The following DNAH14 variants were observed in gnomAD, a reference collection of about 807,000 sequenced individuals.
The protein encoded by DNAH14 is dynein axonemal heavy chain 14.
Under a neutral mutation model 520.9 loss-of-function variants are expected in DNAH14, and 478 were observed. That is an observed-to-expected ratio of 0.92 (90% CI 0.85 to 0.99). DNAH14 has a LOEUF of 0.99. DNAH14 is among the 50% of genes least tolerant of loss of function. The probability of loss-of-function intolerance (pLI) is 0.00; values close to 1 mark genes in which losing one functional copy is unlikely to be tolerated. For synonymous variants in DNAH14, 1,581 were observed against 1,757.2 expected (o/e 0.90, Z 2.51); for missense variants, 4,831 against 5,234.5 (o/e 0.92, Z 2.38).
chr1:225,048,375 A>C (rs191709711), intron 15 of DNAH14, among the ~76,000 whole-genome samples: 23 of 152,176 alleles, frequency 1.5e-4, no homozygotes, highest in African/African-American at 5.5e-4. Context: ...TGTGGCACGC[A>C]CCTGTAATCC....
chr1:224,945,188 A>G (rs2489302), intron 1 of DNAH14, among the ~76,000 whole-genome samples: 22,928 of 151,792 alleles, frequency 0.15, 3,187 homozygotes, highest in African/African-American at 0.36. Flanking sequence ...ATCTTTGTTC[A>G]TTTCTTTTTA....
At chr1:225,269,219 G>C (rs1365402508) in intron 49 of DNAH14, among the ~76,000 whole-genome samples, 1 of 152,174 alleles carries the variant, frequency 6.6e-6, no homozygotes, top group African/African-American at 2.4e-5. Context: ...ACAAAAACAA[G>C]AAATGGGGTA....
chr1:225,381,683 T>C, intron 81 of DNAH14, 104 bp downstream of exon 81: 1 of 933,352 alleles, frequency 1.1e-6, no homozygotes, highest in Non-Finnish European at 1.6e-6. Context: ...ATGAAATATG[T>C]AACTCTTAAA....
chr1:225,106,812 G>A lies in DNAH14; in HGVS notation c.3867+5928G>A, dbSNP rs137883383. ...TTTTTTCAAGGTTTTTAACTTCTTT[G>A]CCATTGGTTCTACCTTCCTCCTTTA... On this transcript the variant is annotated intron_variant, in intron 23 of 85. Coordinates refer to ENST00000682510, the MANE Select transcript of DNAH14 (RefSeq NM_001367479.1). Among the ~76,000 whole-genome samples the A allele has an allele frequency of 4.8e-3, 724 of 152,028 alleles. 4 individuals are homozygous for A. Among genetic ancestry groups the A allele is most frequent in the African/African-American group, 0.016 (679 of 41,448 alleles).
At position 225,364,948 on chromosome 1, in the gene DNAH14, C is replaced by T. The variant is rs12563830; in HGVS notation, c.12090+54C>T. On this transcript the variant is annotated intron_variant, in intron 76 of 85. Coordinates refer to ENST00000682510, the MANE Select transcript of DNAH14 (RefSeq NM_001367479.1). Reference sequence around the variant, plus strand: ...TTGACTGAGGAGCCCTGTTTGAATGCAAGTCATCTTACATTCAAAACTCTG... The same window carrying T: ...TTGACTGAGGAGCCCTGTTTGAATGTAAGTCATCTTACATTCAAAACTCTG... 0.37 allele frequency: 452,240 copies of T among 1,232,326 alleles called. 86,780 individuals are homozygous for T. Among genetic ancestry groups the T allele is most frequent in the East Asian group, 0.63 (24,350 of 38,434 alleles). 76.3% of individuals were successfully genotyped at this position (1,232,326 alleles called of 1,614,324 possible). A position where few individuals can be genotyped will look rare whatever the true frequency, so the allele number is the denominator to read the frequency against.
intron 28 of DNAH14, among the ~76,000 whole-genome samples, chr1:225,144,049 TTCAA>T (rs1001507022): frequency 6.6e-6 from 1 of 152,232 alleles, no homozygotes; most frequent in African/African-American, 2.4e-5. Context: ...AAACATCATC[TTCAA>T]TCACAGTCTT....
chr1:225,175,637 T>A (rs1334354869), intron 36 of DNAH14, among the ~76,000 whole-genome samples: 3 of 151,850 alleles, frequency 2.0e-5, no homozygotes, highest in African/African-American at 7.2e-5. Flanking sequence ...TCATCTTTAT[T>A]TTTTGGGTTT....
intron 52 of DNAH14, among the ~76,000 whole-genome samples, chr1:225,274,885 TA>T (rs35730837): frequency 2.1e-4 from 32 of 152,148 alleles, no homozygotes; most frequent in African/African-American, 7.0e-4. Flanking sequence ...TTGATTGACT[TA>T]AAAAAAATAA....
intron 17 of DNAH14, among the ~76,000 whole-genome samples, chr1:225,072,475 A>G (rs1399919678): frequency 6.6e-6 from 1 of 152,158 alleles, no homozygotes; most frequent in African/African-American, 2.4e-5. Context: ...TCATTGGGTT[A>G]CAATGTACTT....
Position 225,337,315 on chromosome 1 carries a change from A to C in DNAH14, c.10130A>C (p.Glu3377Ala). Reference sequence around the variant, plus strand: ...CTGCCTCATGGTCAGTATTCAGTAGAGAATGCCATCTTGATCAAGAATGGC... The same window carrying C: ...CTGCCTCATGGTCAGTATTCAGTAGCGAATGCCATCTTGATCAAGAATGGC... ...QGLPHGQYSV[E>A]NAILIKNGQQ... Residue 3377 changes from glutamate (E) to alanine (A), a missense_variant, in exon 67 of 86, where the codon GAG becomes GCG. Glu to Ala is a moderately radical substitution (Grantham distance 107). Transcript: ENST00000682510. 1 of 1,551,932 alleles carries C rather than the reference A, an allele frequency of 6.4e-7. No homozygotes were observed. Among genetic ancestry groups the C allele is most frequent in the Non-Finnish European group, 8.7e-7 (1 of 1,147,030 alleles).
At chr1:225,376,162 C>T (rs1223254304) in intron 78 of DNAH14, among the ~76,000 whole-genome samples, 5 of 151,990 alleles carry the variant, frequency 3.3e-5, no homozygotes, top group Admixed American at 2.6e-4. Context: ...TGTGGTGGCT[C>T]ATGCCTATAA....
Position 225,266,694 on chromosome 1 carries a change from AC to A in DNAH14, c.7465del (p.Gln2489SerfsTer6). The A allele has an allele frequency of 6.6e-7, 1 of 1,521,216 alleles. No homozygotes were observed. Among genetic ancestry groups the A allele is most frequent in the African/African-American group, 1.4e-5 (1 of 71,246 alleles). The allele number at this position is 1,521,216 out of a possible 1,614,324, so 94.2% of individuals were successfully genotyped here. On this transcript the variant is annotated frameshift_variant, in exon 49 of 86. Coordinates refer to ENST00000682510, the MANE Select transcript of DNAH14 (RefSeq NM_001367479.1). LOFTEE classifies it high-confidence loss of function. ...TGCCAGTATCAGATATGTATGGAGC[AC>A]AGCCACCCCTGGAATTGATAAGACA... The part of the protein sequence containing the change: ...NMPVSDMYGA[Q>X]PPLELIRQLL...
chr1:225,387,695 G>T (rs1173064352), intron 81 of DNAH14, among the ~76,000 whole-genome samples: 1 of 152,188 alleles, frequency 6.6e-6, no homozygotes, highest in Admixed American at 6.5e-5. Context: ...AAAAGCTGCA[G>T]AGGATACAGG....
intron 17 of DNAH14, among the ~76,000 whole-genome samples, chr1:225,066,837 T>G (rs1212075675): frequency 6.6e-6 from 1 of 152,150 alleles, no homozygotes; most frequent in Non-Finnish European, 1.5e-5. Flanking sequence ...TTTGCTGCTT[T>G]TTATGGTTGA....
In DNAH14 at chr1:225,082,040, G is replaced by A. The variant is rs1420933193; in HGVS notation, c.3137-509G>A. Among the ~76,000 whole-genome samples the A allele has an allele frequency of 2.0e-5, 3 of 152,112 alleles. No individual in the cohort carries two copies. In the East Asian group the frequency reaches 5.8e-4, roughly 29 times the overall value. ...AATCACAGCACTTGGGGAGGCTGAG[G>A]TGGGCGGATCATTCGAGGCCAGGAG... is the stretch of plus-strand genomic sequence containing the variant. On this transcript the variant is annotated intron_variant, in intron 19 of 85. Coordinates refer to ENST00000682510, the MANE Select transcript of DNAH14 (RefSeq NM_001367479.1).
Position 225,140,888 on chromosome 1 carries a change from G to A in DNAH14, c.4375G>A (p.Val1459Met), listed in dbSNP as rs747042265. 13 of 1,551,276 alleles carry A rather than the reference G, an allele frequency of 8.4e-6. No individual in the cohort carries two copies. The South Asian group carries it at 1.5e-4, about 18-fold the overall frequency. ...CHLEEVADLV[V>M]LDTSNSRTKA... ...TCTAGAAGAGGTTGCAGACCTGGTA[G>A]TGCTGGATACTAGTAACTCTCGAAC... The change falls in exon 28 of 86, where the codon GTG becomes ATG. Residue 1459 changes from valine to methionine, a missense_variant. Val to Met is a conservative substitution (Grantham distance 21). Transcript: ENST00000682510.
intron 23 of DNAH14, among the ~76,000 whole-genome samples, chr1:225,111,233 T>A (rs1469541137): frequency 6.6e-6 from 1 of 152,112 alleles, no homozygotes; most frequent in Non-Finnish European, 1.5e-5. Flanking sequence ...CTCCAACTAT[T>A]GGATTGTGGT....
chr1:225,369,897 G>T (rs1453236684), intron 77 of DNAH14, among the ~76,000 whole-genome samples: 1 of 151,998 alleles, frequency 6.6e-6, no homozygotes, highest in East Asian at 1.9e-4. Flanking sequence ...ATATTAAAAG[G>T]GAAATCAGCC....
intron 41 of DNAH14, among the ~76,000 whole-genome samples, chr1:225,230,018 AATTG>A (rs1410595893): frequency 5.3e-5 from 8 of 152,172 alleles, no homozygotes; most frequent in Admixed American, 1.3e-4. Context: ...GGTGATAAAA[AATTG>A]ATTGAACTTA....
Sources: allele counts gnomAD v4.1 joint callset (sites outside exome capture counted in the v4.1 genomes callset), GRCh38; gene constraint gnomAD v4.1.1; transcripts MANE v1.5; gene names NCBI Gene and HGNC (gene_info 2026-07-23, HGNC 2026-07-21).